Variants in TPP2 observed in about 807,000 individuals in gnomAD.
TPP2 encodes tripeptidyl peptidase 2.
TPP2 carries 34 observed loss-of-function variants against 155.9 expected under a neutral mutation model. The observed-to-expected ratio is 0.22, with a 90% CI of 0.17 to 0.29. The LOEUF (loss-of-function observed/expected upper bound fraction) is 0.29. Ranked by LOEUF, TPP2 falls within the 10% of genes least tolerant of loss-of-function variation. The pLI is 1.00. For missense variants in TPP2, 1,028 were observed against 1,522.3 expected (o/e 0.68, Z 5.40); for synonymous variants, 510 against 529.4 (o/e 0.96, Z 0.50).
chr13:102,633,555 A>G (rs189510988), intron 10 of TPP2, among the ~76,000 whole-genome samples: 13 of 152,238 alleles, frequency 8.5e-5, no homozygotes, highest in South Asian at 2.1e-4. Flanking sequence ...TTATATTTCT[A>G]TTGTACAGTG....
At chr13:102,644,428 A>T in intron 17 of TPP2, 129 bp from the exon 18 acceptor site, 1 of 707,616 alleles carries the variant, frequency 1.4e-6, no homozygotes, top group Non-Finnish European at 2.3e-6. Flanking sequence ...AGCTGTTAAA[A>T]TTTTTGAGTT....
chr13:102,655,033 G>A, intron 24 of TPP2: 1 of 502,848 alleles, frequency 2.0e-6, no homozygotes, highest in Non-Finnish European at 4.0e-6. Flanking sequence ...ACAGGTTCTG[G>A]CCCCCTGACC....
chr13:102,671,172 C>T (rs914033007), intron 27 of TPP2, among the ~76,000 whole-genome samples: 2 of 152,144 alleles, frequency 1.3e-5, no homozygotes, highest in African/African-American at 4.8e-5. Flanking sequence ...TAAAAGCAGT[C>T]GTTTAAGTCA....
At chr13:102,660,154 A>G (rs1884110804) in intron 25 of TPP2, among the ~76,000 whole-genome samples, 2 of 152,082 alleles carry the variant, frequency 1.3e-5, no homozygotes, top group Non-Finnish European at 2.9e-5. Flanking sequence ...TTATAAGTTA[A>G]GATGTATATG....
chr13:102,621,828 C>A (rs898107531), intron 5 of TPP2, among the ~76,000 whole-genome samples: 5 of 152,052 alleles, frequency 3.3e-5, no homozygotes, highest in Admixed American at 1.3e-4. Context: ...GGATGCTGGC[C>A]GATTGCATAA....
intron 6 of TPP2, among the ~76,000 whole-genome samples, chr13:102,623,939 T>C (rs1323684618): frequency 6.6e-6 from 1 of 152,216 alleles, no homozygotes; most frequent in African/African-American, 2.4e-5. Context: ...ATGTAAGTGC[T>C]ATATAAATAG....
At chr13:102,663,807 G>A in intron 26 of TPP2, 63 bp downstream of exon 26, 1 of 1,246,666 alleles carries the variant, frequency 8.0e-7, no homozygotes, top group Admixed American at 2.8e-5. Context: ...TGTGTTTTGA[G>A]GAAAAGTGCA....
Position 102,644,422 on chromosome 13 carries a change from G to A in TPP2, c.2176-135G>A. ...TGTCTAACTCTTACTTAGCATAGCT[G>A]TTAAAATTTTTGAGTTTTCTTGCTA... On this transcript the variant is annotated intron_variant, in intron 17 of 29. Transcript: ENST00000376052. 5 of 651,688 alleles carry A rather than the reference G, an allele frequency of 7.7e-6. No homozygotes were observed. In the South Asian group the frequency reaches 1.1e-4, roughly 15 times the overall value. 40.4% of individuals were successfully genotyped at this position (651,688 alleles called of 1,614,324 possible).
intron 12 of TPP2, 71 bp from the exon 13 acceptor site, chr13:102,636,153 A>G (rs1882363014): frequency 5.6e-6 from 8 of 1,430,800 alleles, no homozygotes; most frequent in Non-Finnish European, 7.5e-6. Context: ...AATCAAATTG[A>G]TTGGTAATTT....
At chr13:102,630,429 A>G (rs568455327) in intron 10 of TPP2, among the ~76,000 whole-genome samples, 1 of 152,314 alleles carries the variant, frequency 6.6e-6, no homozygotes, top group South Asian at 2.1e-4. Context: ...TCTTATTCCT[A>G]TATCCATAAT....
intron 27 of TPP2, among the ~76,000 whole-genome samples, chr13:102,670,984 G>T (rs906829757): frequency 6.6e-6 from 1 of 152,176 alleles, no homozygotes; most frequent in Admixed American, 6.5e-5. Flanking sequence ...TCCATAAAAT[G>T]AATAATCTTG....
At chr13:102,603,650 G>A (rs1399396807) in intron 1 of TPP2, among the ~76,000 whole-genome samples, 1 of 152,190 alleles carries the variant, frequency 6.6e-6, no homozygotes, top group Non-Finnish European at 1.5e-5. Flanking sequence ...CTTTTTATGC[G>A]AGTATTCTGA....
chr13:102,661,934 A>G (rs1884255685), intron 25 of TPP2, among the ~76,000 whole-genome samples: 1 of 152,244 alleles, frequency 6.6e-6, no homozygotes, highest in South Asian at 2.1e-4. Context: ...TATATACCCA[A>G]GAAAAATAAA....
chr13:102,604,140 T>C (rs999363812), intron 1 of TPP2, among the ~76,000 whole-genome samples: 3 of 152,162 alleles, frequency 2.0e-5, no homozygotes, highest in Admixed American at 6.5e-5. Flanking sequence ...TTGAACTTTG[T>C]TGCGTTTGAG....
chr13:102,605,120 C>T (rs1012414604), intron 2 of TPP2, among the ~76,000 whole-genome samples, 199 bp downstream of exon 2: 7 of 113,760 alleles, frequency 6.2e-5, no homozygotes, highest in South Asian at 2.6e-4. Flanking sequence ...TGTGGCTTAA[C>T]GGGGTTCCAG....
chr13:102,651,343 T>A lies in TPP2; in HGVS notation c.2953-16T>A. On this transcript the variant is annotated splice_polypyrimidine_tract_variant and intron_variant, in intron 23 of 29. Transcript: ENST00000376052. ...ATTATGCATGTTTTCTTACAGAATG[T>A]CGTTCTAACTCCCAGGGGCAGTCTG... The A allele has an allele frequency of 6.4e-7, 1 of 1,573,360 alleles. No homozygotes were observed.
In TPP2 at chr13:102,636,350, G is replaced by A; in HGVS notation, c.1636G>A (p.Asp546Asn). The A allele has an allele frequency of 6.2e-7, 1 of 1,613,662 alleles. No homozygotes were observed. Among genetic ancestry groups the A allele is most frequent in the Non-Finnish European group, 8.5e-7 (1 of 1,179,850 alleles). Residue 546 changes from aspartate (D) to asparagine (N), a missense_variant, in exon 13 of 30, where the codon GAT becomes AAT. By Grantham distance (23) the Asp-to-Asn change is conservative. This residue lies in a region of TPP2 where 325 missense variants were observed against 463.7 expected (regional missense o/e 0.70). Coordinates refer to ENST00000376052, the MANE Select transcript of TPP2 (RefSeq NM_001330588.2). ...TCCTGTTCAGGTGGCTGCACCTTCA[G>A]ATCATGGCGTTGGCATTGAACCTGT... ...RDPVQVAAPSDHGVGIEPVFP... is the reference protein window; with the variant it reads ...RDPVQVAAPSNHGVGIEPVFP...
chr13:102,678,298 C>T lies in TPP2; in HGVS notation c.3771C>T (p.Pro1257=), dbSNP rs112235390. The part of the protein sequence containing the change: ...TENWLPIMYP[P]DYCVF ...ACTGGCTCCCCATCATGTATCCTCC[C>T]GATTATTGCGTATTCTAAAATAGGA... is the stretch of plus-strand genomic sequence containing the variant. The change falls in exon 30 of 30, where the codon CCC becomes CCT. Residue 1257 remains proline (P), a synonymous_variant. Coordinates refer to ENST00000376052, the MANE Select transcript of TPP2 (RefSeq NM_001330588.2). 3.9e-5 allele frequency: 63 copies of T among 1,613,264 alleles called. No homozygotes were observed. The highest frequency in any genetic ancestry group is 5.5e-5 in the South Asian group (5 of 91,004).
Position 102,610,890 on chromosome 13 carries a change from C to A in TPP2, c.295-3211C>A, listed in dbSNP as rs141218108. On this transcript the variant is annotated intron_variant, in intron 2 of 29. Transcript: ENST00000376052. ...CCCAGATCAAGATAAAGAGTATTGC[C>A]GTACATCAGAAACTTCCTGCATCCT... 5.9e-5 allele frequency among the ~76,000 whole-genome samples: 9 copies of A among 152,236 alleles called. 1 individual carries two copies. The highest frequency in any genetic ancestry group is 2.6e-4 in the Admixed American group (4 of 15,300).
Sources: allele counts gnomAD v4.1 joint callset (sites outside exome capture counted in the v4.1 genomes callset), GRCh38; gene constraint gnomAD v4.1.1; regional missense constraint gnomAD v4.1.1; transcripts MANE v1.5; gene names NCBI Gene and HGNC (gene_info 2026-07-23, HGNC 2026-07-21).